TNKS: variants seen among roughly 807,000 people sequenced by gnomAD.
The protein encoded by TNKS is poly [ADP-ribose] polymerase tankyrase-1.
TNKS carries 72 observed loss-of-function variants against 135.8 expected under a neutral mutation model. The observed-to-expected ratio is 0.53, with a 90% CI of 0.44 to 0.64. The LOEUF is 0.64. TNKS is among the 30% of genes least tolerant of loss of function. TNKS has a pLI of 0.00. For missense variants in TNKS, 1,769 were observed against 1,674.0 expected (o/e 1.06, Z -0.99); for synonymous variants, 849 against 649.3 (o/e 1.31, Z -4.68).
Position 9,763,146 on chromosome 8 carries a change from G to T in TNKS, c.3275-1G>T. The T allele has an allele frequency of 1.3e-6, 2 of 1,567,542 alleles. No homozygotes were observed. The highest frequency in any genetic ancestry group is 8.7e-7 in the Non-Finnish European group (1 of 1,152,042). ...TATATGTTAATTTTTCTCTCCGACA[G>T]GCACCAATCCTTATTTGACTTTTCA... On this transcript the variant is annotated splice_acceptor_variant, in intron 21 of 26. Transcript: ENST00000310430. LOFTEE classifies it high-confidence loss of function.
chr8:9,674,673 A>G (rs983981178), intron 3 of TNKS, among the ~76,000 whole-genome samples: 2 of 152,130 alleles, frequency 1.3e-5, no homozygotes, highest in African/African-American at 2.4e-5. Context: ...TTTAATTGTA[A>G]GTGTTGAGGG....
intron 3 of TNKS, among the ~76,000 whole-genome samples, chr8:9,661,534 G>T (rs199580004): frequency 0.097 from 14,623 of 150,784 alleles, 982 homozygotes; most frequent in Admixed American, 0.21. Flanking sequence ...TAGCCGTATG[G>T]AGAAAGCTGA....
chr8:9,764,846 A>G, intron 23 of TNKS, 56 bp downstream of exon 23: 1 of 1,393,608 alleles, frequency 7.2e-7, no homozygotes, highest in Non-Finnish European at 9.8e-7. Flanking sequence ...CCTAAAAACC[A>G]AATCTAGACA....
intron 2 of TNKS, among the ~76,000 whole-genome samples, chr8:9,589,675 T>C (rs1348459881): frequency 1.3e-5 from 2 of 152,228 alleles, no homozygotes; most frequent in South Asian, 2.1e-4. Context: ...CCACTATACA[T>C]AGGAATCTAC....
In TNKS at chr8:9,775,022, A is replaced by G. The variant is rs551391920; in HGVS notation, c.3898-1628A>G. Among the ~76,000 whole-genome samples, 73 of 152,324 alleles carry G rather than the reference A, an allele frequency of 4.8e-4. 2 individuals are homozygous for G. The highest frequency in any genetic ancestry group is 4.6e-3 in the South Asian group (22 of 4,826). On this transcript the variant is annotated intron_variant, in intron 26 of 26. Coordinates refer to ENST00000310430, the MANE Select transcript of TNKS (RefSeq NM_003747.3). ...TAAGCTCCTTCACAGCAGGGTCCAC[A>G]TCTCACACCAGAGTGTTCTTATGTG...
chr8:9,625,651 G>C (rs1231015260), intron 3 of TNKS, among the ~76,000 whole-genome samples: 2 of 152,016 alleles, frequency 1.3e-5, no homozygotes, highest in Admixed American at 1.3e-4. Context: ...TTAACCCACA[G>C]ACTATTTAGA....
At chr8:9,751,939 T>C in intron 19 of TNKS, 93 bp downstream of exon 19, 1 of 1,108,854 alleles carries the variant, frequency 9.0e-7, no homozygotes, top group Non-Finnish European at 1.3e-6. Context: ...ATGCCTCAAT[T>C]AGAGACGTCC....
chr8:9,700,779 C>T (rs1803761611), intron 5 of TNKS, among the ~76,000 whole-genome samples: 1 of 152,106 alleles, frequency 6.6e-6, no homozygotes, highest in Non-Finnish European at 1.5e-5. Context: ...CTGTCACTTT[C>T]TACCTTAATT....
In TNKS at chr8:9,763,165, C is replaced by A; in HGVS notation, c.3293C>A (p.Thr1098Asn). The A allele has an allele frequency of 6.3e-7, 1 of 1,581,740 alleles. No homozygotes were observed. Among genetic ancestry groups the A allele is most frequent in the Non-Finnish European group, 8.6e-7 (1 of 1,162,248 alleles). ...GGQQGTNPYL[T>N]FHCVNQGTIL... ...CCGACAGGCACCAATCCTTATTTGACTTTTCACTGTGTTAATCAGGGAACG... is the reference window on the plus strand; with the variant it reads ...CCGACAGGCACCAATCCTTATTTGAATTTTCACTGTGTTAATCAGGGAACG... Residue 1098 changes from threonine to asparagine, a missense_variant, in exon 22 of 27, where the codon ACT becomes AAT. Coordinates refer to ENST00000310430, the MANE Select transcript of TNKS (RefSeq NM_003747.3).
At chr8:9,734,445 A>C (rs1805589686) in intron 15 of TNKS, among the ~76,000 whole-genome samples, 1 of 145,916 alleles carries the variant, frequency 6.9e-6, no homozygotes, top group Non-Finnish European at 1.5e-5. Flanking sequence ...TTTAGAATTA[A>C]GTCCTTTTTT....
chr8:9,563,457 A>G (rs1797413924), intron 1 of TNKS, among the ~76,000 whole-genome samples: 1 of 152,098 alleles, frequency 6.6e-6, no homozygotes, highest in African/African-American at 2.4e-5. Flanking sequence ...AAGTTTCCAT[A>G]GACTATATGT....
chr8:9,680,851 GT>G (rs1563163929), intron 5 of TNKS, 51 bp downstream of exon 5: 1 of 1,432,364 alleles, frequency 7.0e-7, no homozygotes. Flanking sequence ...TCAAAATTTT[GT>G]GAATGTGGCA....
At chr8:9,682,674 T>A (rs1410093209) in intron 5 of TNKS, among the ~76,000 whole-genome samples, 1 of 152,120 alleles carries the variant, frequency 6.6e-6, no homozygotes, top group Non-Finnish European at 1.5e-5. Context: ...TAGCAGAAGC[T>A]TAGAATAGAA....
intron 5 of TNKS, among the ~76,000 whole-genome samples, chr8:9,702,076 C>G (rs1472951780): frequency 2.0e-5 from 3 of 152,188 alleles, no homozygotes; most frequent in Non-Finnish European, 4.4e-5. Flanking sequence ...CTGTCCTACA[C>G]TAAAGGCTGC....
At chr8:9,586,657 A>T (rs540725378) in intron 2 of TNKS, among the ~76,000 whole-genome samples, 11 of 152,130 alleles carry the variant, frequency 7.2e-5, no homozygotes, top group Admixed American at 2.0e-4. Flanking sequence ...AAAAATGTTA[A>T]AACAGCCAGT....
chr8:9,781,283 T>G lies in TNKS; in HGVS notation c.*4547T>G, dbSNP rs1371921839. The G allele has an allele frequency of 6.6e-6, 1 of 152,264 alleles. No homozygotes were observed. The highest frequency in any genetic ancestry group is 1.5e-5 in the Non-Finnish European group (1 of 68,064). The allele number at this position is 152,264 out of a possible 1,614,324, so 9.4% of individuals were successfully genotyped here. On this transcript the variant is annotated 3_prime_UTR_variant, in exon 27 of 27. Transcript: ENST00000310430. ...TCACGTTCCAGAATTCAGATTGTTC[T>G]GTGATTTCTTTTACATCAGTCTACC...
chr8:9,765,617 G>A (rs545609086), intron 23 of TNKS, 75 bp from the exon 24 acceptor site: 618 of 1,294,830 alleles, frequency 4.8e-4, no homozygotes, highest in Non-Finnish European at 6.5e-4. Flanking sequence ...CTTCCTAAAA[G>A]GAAAACATAC....
At chr8:9,723,514 T>A (rs1214474416) in intron 12 of TNKS, among the ~76,000 whole-genome samples, 2 of 152,228 alleles carry the variant, frequency 1.3e-5, no homozygotes, top group Non-Finnish European at 2.9e-5. Flanking sequence ...TATAAACTGC[T>A]GGCAATATTT....
chr8:9,640,012 C>T (rs1585264546), intron 3 of TNKS, among the ~76,000 whole-genome samples: 1 of 152,118 alleles, frequency 6.6e-6, no homozygotes, highest in Non-Finnish European at 1.5e-5. Flanking sequence ...ATCTTTTCCA[C>T]TATGTGTGAA....
Sources: gnomAD v4.1 joint callset for allele counts (sites outside exome capture counted in the v4.1 genomes callset) on GRCh38, gnomAD v4.1.1 for gene constraint, MANE v1.5 for transcripts, NCBI Gene and HGNC (gene_info 2026-07-23, HGNC 2026-07-21) for gene names.